SLC13A5: variants seen among roughly 807,000 people sequenced by gnomAD.
SLC13A5 encodes the protein solute carrier family 13 member 5.
In SLC13A5, 25 loss-of-function variants were observed where a neutral mutation model predicts 56.5. That is an observed-to-expected ratio of 0.44 (90% confidence interval 0.32 to 0.62). The LOEUF (loss-of-function observed/expected upper bound fraction) is 0.62, where lower values mean the gene tolerates loss of function less well. Ranked by LOEUF, SLC13A5 falls within the 20% of genes least tolerant of loss-of-function variation. SLC13A5 has a pLI of 0.04. For missense variants in SLC13A5, 649 were observed against 737.8 expected (o/e 0.88, Z 1.39); for synonymous variants, 307 against 301.5 (o/e 1.02, Z -0.19).
chr17:6,695,189 C>T (rs1322565263), intron 7 of SLC13A5, among the ~76,000 whole-genome samples: 1 of 152,130 alleles, frequency 6.6e-6, no homozygotes, highest in African/African-American at 2.4e-5. Context: ...GAGAGGATAC[C>T]ACAGGAACAC....
At chr17:6,686,478 AC>A in intron 11 of SLC13A5, 140 bp from the exon 12 acceptor site, 1 of 1,018,304 alleles carries the variant, frequency 9.8e-7, no homozygotes, top group African/African-American at 1.6e-5. Context: ...GACCCCCAGG[AC>A]AGTGCGACTT....
At chr17:6,707,880 T>C (rs1301266608) in intron 1 of SLC13A5, among the ~76,000 whole-genome samples, 7 of 152,220 alleles carry the variant, frequency 4.6e-5, no homozygotes. Context: ...AACCGAAAAC[T>C]ACGTGTACCC....
intron 1 of SLC13A5, among the ~76,000 whole-genome samples, chr17:6,710,285 C>T (rs565697665): frequency 1.3e-5 from 2 of 152,344 alleles, no homozygotes; most frequent in South Asian, 2.1e-4. Context: ...TTGCTTCTTA[C>T]TATCATCAAG....
intron 2 of SLC13A5, 21 bp from the exon 3 acceptor site, chr17:6,706,799 C>G (rs376615280): frequency 1.9e-6 from 3 of 1,613,112 alleles, no homozygotes; most frequent in Admixed American, 1.7e-5. Context: ...GCACGAAGGC[C>G]TCATCAGGAC....
In SLC13A5 at chr17:6,711,859, C is replaced by T. The variant is rs563634294; in HGVS notation, c.102+1373G>A. On this transcript the variant is annotated intron_variant, in intron 1 of 11. Transcript: ENST00000433363. The surrounding 1 kb of genome is among the most constrained non-coding windows in gnomAD (Gnocchi z 4.0). ...CTACTTCCCCTGGACAATAACAACCCCAGACTTCTTGCTACAGAGGAAGTG... is the reference window on the plus strand; with the variant it reads ...CTACTTCCCCTGGACAATAACAACCTCAGACTTCTTGCTACAGAGGAAGTG... Among the ~76,000 whole-genome samples, 3 of 152,196 alleles carry T rather than the reference C, an allele frequency of 2.0e-5. No individual in the cohort carries two copies. The highest frequency in any genetic ancestry group is 6.5e-5 in the Admixed American group (1 of 15,282).
chr17:6,698,016 A>C (rs905137898), intron 6 of SLC13A5, among the ~76,000 whole-genome samples: 2 of 152,234 alleles, frequency 1.3e-5, no homozygotes, highest in African/African-American at 4.8e-5. Context: ...ATGAGGCCAC[A>C]AAGGCAGGCA....
At position 6,692,771 on chromosome 17, in the gene SLC13A5, G is replaced by A. The variant is rs1401833225; in HGVS notation, c.1275+273C>T. The stretch of plus-strand genomic sequence containing the variant: ...AGATTATTGTGATCAAGCCCCAGAG[G>A]GTAACTGACAGTGTCCTCTGCCTCT... On this transcript the variant is annotated intron_variant, in intron 9 of 11. Coordinates refer to ENST00000433363, the MANE Select transcript of SLC13A5 (RefSeq NM_177550.5). This position sits in a 1 kb window ranked among gnomAD's most constrained non-coding sequence, Gnocchi z 5.5. 2.1e-6 allele frequency: 1 copy of A among 476,754 alleles called. No homozygotes were observed. Among genetic ancestry groups the A allele is most frequent in the Non-Finnish European group, 3.8e-6 (1 of 265,528 alleles). 29.5% of individuals were successfully genotyped at this position (476,754 alleles called of 1,614,324 possible).
At chr17:6,699,255 G>A (rs906811454) in intron 6 of SLC13A5, among the ~76,000 whole-genome samples, 7 of 151,946 alleles carry the variant, frequency 4.6e-5, no homozygotes, top group Admixed American at 3.9e-4. Flanking sequence ...AGACCTGTTC[G>A]ACGGATGTGA....
intron 4 of SLC13A5, 99 bp from the exon 5 acceptor site, chr17:6,703,237 C>T: frequency 6.9e-7 from 1 of 1,456,084 alleles, no homozygotes; most frequent in South Asian, 1.3e-5. Flanking sequence ...TGGGAAATCC[C>T]AGCTCTGCTG....
Position 6,687,011 on chromosome 17 carries a change from A to C in SLC13A5, c.1575+518T>G, listed in dbSNP as rs1973269558. ...TGCAAAGCTGCCCTTCTCCCAGCAA[A>C]GGTGACAGAGCTAATGAAGAGTTCT... is the stretch of plus-strand genomic sequence containing the variant. On this transcript the variant is annotated intron_variant, in intron 11 of 11. Coordinates refer to ENST00000433363, the MANE Select transcript of SLC13A5 (RefSeq NM_177550.5). The surrounding 1 kb of genome is among the most constrained non-coding windows in gnomAD (Gnocchi z 5.0). The C allele has an allele frequency of 1.2e-5, 2 of 161,834 alleles. No homozygotes were observed. The allele number at this position is 161,834 out of a possible 1,614,324, so 10.0% of individuals were successfully genotyped here. A position where few individuals can be genotyped will look rare whatever the true frequency, so the allele number is the denominator to read the frequency against.
At chr17:6,712,287 G>A (rs923000760) in intron 1 of SLC13A5, among the ~76,000 whole-genome samples, 2 of 152,222 alleles carry the variant, frequency 1.3e-5, no homozygotes, top group Non-Finnish European at 2.9e-5. Context: ...GGAGCTGGAG[G>A]TTTCCTGTCT....
intron 1 of SLC13A5, among the ~76,000 whole-genome samples, chr17:6,712,521 A>C (rs1015584878): frequency 2.0e-5 from 3 of 152,248 alleles, no homozygotes; most frequent in Non-Finnish European, 2.9e-5. Context: ...CCTGCCACCC[A>C]AGGCGCGAGC....
In SLC13A5 at chr17:6,703,151, C is replaced by T; in HGVS notation, c.548-13G>A. On this transcript the variant is annotated splice_polypyrimidine_tract_variant and intron_variant, in intron 4 of 11. Coordinates refer to ENST00000433363, the MANE Select transcript of SLC13A5 (RefSeq NM_177550.5). ...ATCACTTGACTCCCTGTGGTGGGCA[C>T]AGCGCTGTTAGCTGAGCCAGTCATG... The T allele has an allele frequency of 6.2e-7, 1 of 1,613,792 alleles. No individual in the cohort carries two copies. Among genetic ancestry groups the T allele is most frequent in the Non-Finnish European group, 8.5e-7 (1 of 1,179,978 alleles).
Position 6,711,700 on chromosome 17 carries a change from T to TGA in SLC13A5, c.102+1530_102+1531dup, listed in dbSNP as rs1035691111. Reference sequence around the variant, plus strand: ...GTGTGTGTTTGTGAGTGTGTGTGTGTGAGAGAGAGAGTGTGTATGTGTGTG... The same window carrying TGA: ...GTGTGTGTTTGTGAGTGTGTGTGTGTGAGAGAGAGAGAGTGTGTATGTGTGTG... On this transcript the variant is annotated intron_variant, in intron 1 of 11. Coordinates refer to ENST00000433363, the MANE Select transcript of SLC13A5 (RefSeq NM_177550.5). The surrounding 1 kb of genome is among the most constrained non-coding windows in gnomAD (Gnocchi z 4.0). Among the ~76,000 whole-genome samples the TGA allele has an allele frequency of 6.6e-6, 1 of 151,416 alleles. No individual in the cohort carries two copies. The highest frequency in any genetic ancestry group is 2.4e-5 in the African/African-American group (1 of 41,158).
intron 5 of SLC13A5, among the ~76,000 whole-genome samples, 176 bp downstream of exon 5, chr17:6,702,787 CAGGGGTG>C (rs201717560): frequency 0.11 from 16,418 of 152,230 alleles, 1,168 homozygotes; most frequent in East Asian, 0.39. Context: ...TGTGTGGGCA[CAGGGGTG>C]CCAGGACACA....
chr17:6,713,000 C>A (rs8078568), intron 1 of SLC13A5, among the ~76,000 whole-genome samples: 6 of 152,298 alleles, frequency 3.9e-5, no homozygotes, highest in African/African-American at 9.6e-5. Context: ...ACGGCTCTTG[C>A]GCCCTGGGAT....
rs2066419788 is a variant in SLC13A5, at chr17:6,692,510, G to C, written c.1275+534C>G. Reference sequence around the variant, plus strand: ...GTTGGAGGACAGCAGCAGCAAGCTAGCTCATCCCTCCCTCTGGCTCATTTC... The same window carrying C: ...GTTGGAGGACAGCAGCAGCAAGCTACCTCATCCCTCCCTCTGGCTCATTTC... On this transcript the variant is annotated intron_variant, in intron 9 of 11. Coordinates refer to ENST00000433363, the MANE Select transcript of SLC13A5 (RefSeq NM_177550.5). The surrounding 1 kb of genome is among the most constrained non-coding windows in gnomAD (Gnocchi z 5.5). Among the ~76,000 whole-genome samples the C allele has an allele frequency of 6.6e-6, 1 of 152,220 alleles. No homozygotes were observed. The highest frequency in any genetic ancestry group is 2.4e-5 in the African/African-American group (1 of 41,456).
chr17:6,697,965 C>A (rs780023950), intron 6 of SLC13A5, among the ~76,000 whole-genome samples: 1 of 152,184 alleles, frequency 6.6e-6, no homozygotes, highest in Non-Finnish European at 1.5e-5. Context: ...CTGCCTCCTG[C>A]CGCTGAGACA....
intron 10 of SLC13A5, chr17:6,689,696 T>C (rs753423447): frequency 6.6e-6 from 1 of 152,170 alleles, no homozygotes; most frequent in Non-Finnish European, 1.5e-5. Flanking sequence ...CTCCTTGCTA[T>C]TTTTAACACT....
Sources: allele counts gnomAD v4.1 joint callset (sites outside exome capture counted in the v4.1 genomes callset), GRCh38; gene constraint gnomAD v4.1.1; non-coding constraint Gnocchi (gnomAD v3.1); transcripts MANE v1.5; gene names NCBI Gene and HGNC (gene_info 2026-07-23, HGNC 2026-07-21).